KIAA1549L: variants seen among roughly 807,000 people sequenced by gnomAD.
KIAA1549L encodes UPF0606 protein KIAA1549L.
Under a neutral mutation model 160.7 loss-of-function variants are expected in KIAA1549L, and 88 were observed. That is an observed-to-expected ratio of 0.55 (90% CI 0.46 to 0.65). The LOEUF (loss-of-function observed/expected upper bound fraction) is 0.65, where lower values mean the gene tolerates loss of function less well. KIAA1549L is among the 30% of genes least tolerant of loss of function. The pLI is 0.00. For synonymous variants in KIAA1549L, 950 were observed against 976.7 expected (o/e 0.97, Z 0.51); for missense variants, 2,258 against 2,437.5 (o/e 0.93, Z 1.55).
intron 16 of KIAA1549L, among the ~76,000 whole-genome samples, chr11:33,624,319 G>A (rs1564929222): frequency 6.6e-6 from 1 of 152,318 alleles, no homozygotes; most frequent in Middle Eastern, 3.4e-3. Flanking sequence ...CCCAGCAGCT[G>A]GGGGAATCCA....
chr11:33,667,996 G>A lies in KIAA1549L; in HGVS notation c.6283G>A (p.Ala2095Thr), dbSNP rs540134127. Residue 2095 changes from alanine to threonine, a missense_variant, in exon 21 of 21, where the codon GCG (alanine) becomes ACG (threonine). By Grantham distance (58) the Ala-to-Thr change is moderately conservative (BLOSUM62 0). Transcript: ENST00000658780. ...NLHPSLEQAP[A>T]PSTAASQQSL... ...GCACCCCAGCCTGGAGCAGGCCCCGGCGCCCTCCACAGCGGCCTCGCAGCA... is the reference window on the plus strand; with the variant it reads ...GCACCCCAGCCTGGAGCAGGCCCCGACGCCCTCCACAGCGGCCTCGCAGCA... The A allele has an allele frequency of 2.1e-5, 34 of 1,613,922 alleles. No homozygotes were observed. The East Asian group carries it at 6.2e-4, about 30-fold the overall frequency.
intron 11 of KIAA1549L, among the ~76,000 whole-genome samples, chr11:33,589,200 A>G (rs1849970730): frequency 6.6e-6 from 1 of 152,214 alleles, no homozygotes; most frequent in African/African-American, 2.4e-5. Flanking sequence ...GCAAATCAAA[A>G]CCACAATGAG....
chr11:33,496,860 T>A (rs1402957749), intron 1 of KIAA1549L, among the ~76,000 whole-genome samples: 1 of 152,180 alleles, frequency 6.6e-6, no homozygotes, highest in East Asian at 1.9e-4. Flanking sequence ...TCCTTTCTAA[T>A]CTTACTTTGT....
chr11:33,648,224 G>A (rs551840441), intron 17 of KIAA1549L, among the ~76,000 whole-genome samples: 1 of 152,100 alleles, frequency 6.6e-6, no homozygotes, highest in East Asian at 1.9e-4. Context: ...TCAAACTCCT[G>A]ACCTCAGGTG....
At chr11:33,549,107 T>C (rs1344308959) in intron 4 of KIAA1549L, among the ~76,000 whole-genome samples, 1 of 152,240 alleles carries the variant, frequency 6.6e-6, no homozygotes. Context: ...ACAGTTTTGG[T>C]CTTTGCTGCA....
At chr11:33,621,768 T>C (rs961837758) in intron 16 of KIAA1549L, among the ~76,000 whole-genome samples, 1 of 152,200 alleles carries the variant, frequency 6.6e-6, no homozygotes, top group Non-Finnish European at 1.5e-5. Context: ...ACGAAACCTT[T>C]GCTTCCAAAA....
chr11:33,561,227 C>T (rs766900907), intron 7 of KIAA1549L, among the ~76,000 whole-genome samples: 1 of 152,202 alleles, frequency 6.6e-6, no homozygotes, highest in Non-Finnish European at 1.5e-5. Context: ...ACAGCAAAGA[C>T]AGGTTCCTGC....
intron 6 of KIAA1549L, among the ~76,000 whole-genome samples, chr11:33,552,843 G>A (rs1158179767): frequency 3.3e-5 from 5 of 152,208 alleles, no homozygotes; most frequent in Non-Finnish European, 5.9e-5. Context: ...GAGAGGCTAA[G>A]AAACTTCCAG....
intron 1 of KIAA1549L, among the ~76,000 whole-genome samples, chr11:33,424,955 AC>A (rs1851087451): frequency 6.6e-6 from 1 of 152,170 alleles, no homozygotes; most frequent in Admixed American, 6.5e-5. Flanking sequence ...CAGTCAAGAG[AC>A]CATGGGTCTC....
chr11:33,412,781 T>C (rs947692506), intron 1 of KIAA1549L, among the ~76,000 whole-genome samples: 4 of 152,212 alleles, frequency 2.6e-5, no homozygotes, highest in Admixed American at 2.6e-4. Flanking sequence ...AAGTATTATG[T>C]AAACGGATTA....
At chr11:33,380,281 T>G (rs1850048157) in intron 1 of KIAA1549L, among the ~76,000 whole-genome samples, 1 of 152,214 alleles carries the variant, frequency 6.6e-6, no homozygotes, top group Non-Finnish European at 1.5e-5. Context: ...CAGGAATTTC[T>G]TAAATTTTCA....
intron 16 of KIAA1549L, among the ~76,000 whole-genome samples, chr11:33,632,677 C>T (rs1028793556): frequency 6.6e-6 from 1 of 152,134 alleles, no homozygotes; most frequent in Non-Finnish European, 1.5e-5. Context: ...CTCCTTGGCT[C>T]AGGCGAGCCT....
chr11:33,547,421 C>T (rs1854301463), intron 3 of KIAA1549L, among the ~76,000 whole-genome samples: 1 of 152,228 alleles, frequency 6.6e-6, no homozygotes, highest in Non-Finnish European at 1.5e-5. Flanking sequence ...AGCTCAGGGC[C>T]TGCACCTAAG....
intron 1 of KIAA1549L, among the ~76,000 whole-genome samples, chr11:33,400,677 T>G (rs1267932985): frequency 6.6e-6 from 1 of 152,228 alleles, no homozygotes; most frequent in Non-Finnish European, 1.5e-5. Flanking sequence ...AAACTGTTCT[T>G]ACTTGAATTA....
chr11:33,505,567 C>T (rs1354986087), intron 1 of KIAA1549L, among the ~76,000 whole-genome samples: 3 of 152,218 alleles, frequency 2.0e-5, no homozygotes, highest in African/African-American at 7.2e-5. Flanking sequence ...CTCCCCATTT[C>T]CCTCTTACTA....
chr11:33,658,959 C>T (rs1852170236), intron 19 of KIAA1549L, 61 bp downstream of exon 19: 2 of 1,465,544 alleles, frequency 1.4e-6, no homozygotes, highest in African/African-American at 2.8e-5. Context: ...TGTCCTCCCT[C>T]AAATCCCCAG....
At position 33,552,653 on chromosome 11, in the gene KIAA1549L, A is replaced by AACACACACAC. The variant is rs761358417; in HGVS notation, c.3855+454_3855+463dup. Among the ~76,000 whole-genome samples the AACACACACAC allele has an allele frequency of 1.6e-4, 21 of 131,516 alleles. No homozygotes were observed. In the East Asian group the frequency reaches 4.5e-3, roughly 28 times the overall value. 86.3% of individuals were successfully genotyped at this position (131,516 alleles called of 152,430 possible). A position where few individuals can be genotyped will look rare whatever the true frequency, so the allele number is the denominator to read the frequency against. On this transcript the variant is annotated intron_variant, in intron 6 of 20. Transcript: ENST00000658780. Reference sequence around the variant, plus strand: ...AGTTGCCTTAGTTTAGACACATGCCAACACACACACACACACACACACACA... The same window carrying AACACACACAC: ...AGTTGCCTTAGTTTAGACACATGCCAACACACACACACACACACACACACACACACACACA...
At chr11:33,551,386 A>G (rs1854457519) in intron 5 of KIAA1549L, 127 bp downstream of exon 5, 3 of 749,320 alleles carry the variant, frequency 4.0e-6, no homozygotes, top group Non-Finnish European at 6.8e-6. Flanking sequence ...AACCTTCTTC[A>G]AAGGGTCCTG....
chr11:33,467,946 T>A (rs2133017772), intron 1 of KIAA1549L, among the ~76,000 whole-genome samples: 1 of 152,326 alleles, frequency 6.6e-6, no homozygotes, highest in Non-Finnish European at 1.5e-5. Context: ...CTCCTTGGAG[T>A]AGGGCATTGA....
Sources: allele counts gnomAD v4.1 joint callset (sites outside exome capture counted in the v4.1 genomes callset), GRCh38; gene constraint gnomAD v4.1.1; transcripts MANE v1.5; gene names NCBI Gene and HGNC (gene_info 2026-07-23, HGNC 2026-07-21).